The following MFAP2 variants were observed in gnomAD, a reference collection of about 807,000 sequenced individuals.
MFAP2 encodes microfibrillar-associated protein 2.
A neutral mutation model predicts 30.6 loss-of-function variants in MFAP2; 23 were observed. The observed-to-expected ratio is 0.75, with a 90% CI of 0.54 to 1.07. The LOEUF (loss-of-function observed/expected upper bound fraction) is 1.07, where lower values mean the gene tolerates loss of function less well. MFAP2 is among the 50% of genes least tolerant of loss of function. MFAP2 has a pLI of 0.00. For synonymous variants in MFAP2, 73 were observed against 85.7 expected, an observed-to-expected ratio of 0.85 and a Z score of 0.82; for missense variants, 198 against 223.8, an observed-to-expected ratio of 0.88 and a Z score of 0.74.
In MFAP2 at chr1:16,975,173, A is replaced by C. The variant is rs545571278; in HGVS notation, c.448+96T>G. ...TGTCCTGGAAGTGGGCCTGGTGGAT[A>C]ATATGTGTTGAATAAACATCAGGTG... On this transcript the variant is annotated intron_variant, in intron 8 of 8. Transcript: ENST00000375535. This position sits in a 1 kb window ranked among gnomAD's most constrained non-coding sequence, Gnocchi z 5.0. 4 of 1,322,564 alleles carry C rather than the reference A, an allele frequency of 3.0e-6. No individual in the cohort carries two copies. The Admixed American group carries it at 7.6e-5, about 25-fold the overall frequency. 81.9% of individuals were successfully genotyped at this position (1,322,564 alleles called of 1,614,324 possible). A position where few individuals can be genotyped will look rare whatever the true frequency, so the allele number is the denominator to read the frequency against.
chr1:16,978,370 C>T (rs1281492755), intron 1 of MFAP2, 56 bp from the exon 2 acceptor site: 51 of 1,417,594 alleles, frequency 3.6e-5, no homozygotes, highest in Non-Finnish European at 4.9e-5. Context: ...GACAGCAGAG[C>T]TCACCTTTGA....
intron 1 of MFAP2, among the ~76,000 whole-genome samples, chr1:16,979,648 GA>G (rs1452320690): frequency 6.6e-6 from 1 of 152,212 alleles, no homozygotes; most frequent in East Asian, 1.9e-4. Context: ...AAGACCCAGA[GA>G]GCCTTCCTTG....
In MFAP2 at chr1:16,975,643, C is replaced by T. The variant is rs1244520114; in HGVS notation, c.374G>A (p.Ser125Asn). The change falls in exon 7 of 9, where the codon AGC becomes AAC. Residue 125 changes from serine to asparagine, a missense_variant and splice_region_variant. Physicochemically the swap from Ser to Asn is conservative, Grantham distance 46 (BLOSUM62 1). Transcript: ENST00000375535. The surrounding 1 kb of genome is among the most constrained non-coding windows in gnomAD (Gnocchi z 5.0). The part of the protein sequence containing the change: ...KQCLNEVCFY[S>N]LRRVYVINKE... ...CCGACAGCTGCCCATCTGTGCTCAC[C>T]TGTAGAAGCAGACCTCGTTGAGACA... 6.2e-7 allele frequency: 1 copy of T among 1,613,982 alleles called. No homozygotes were observed. The highest frequency in any genetic ancestry group is 2.2e-5 in the East Asian group (1 of 44,880).
At position 16,975,558 on chromosome 1, in the gene MFAP2, C is replaced by A; in HGVS notation, c.374+85G>T. On this transcript the variant is annotated intron_variant, in intron 7 of 8. Coordinates refer to ENST00000375535, the MANE Select transcript of MFAP2 (RefSeq NM_002403.4). This position sits in a 1 kb window ranked among gnomAD's most constrained non-coding sequence, Gnocchi z 5.0. ...GACTCACTATCTTTCCTCCAACTCCCACCTTGGCGGGCCAGAGCTGTCCCC... is the reference window on the plus strand; with the variant it reads ...GACTCACTATCTTTCCTCCAACTCCAACCTTGGCGGGCCAGAGCTGTCCCC... 7.0e-7 allele frequency: 1 copy of A among 1,432,546 alleles called. No homozygotes were observed. The highest frequency in any genetic ancestry group is 2.4e-5 in the East Asian group (1 of 42,492). The allele number at this position is 1,432,546 out of a possible 1,614,324, so 88.7% of individuals were successfully genotyped here. A position where few individuals can be genotyped will look rare whatever the true frequency, so the allele number is the denominator to read the frequency against.
chr1:16,976,261 G>T lies in MFAP2; in HGVS notation c.286+240C>A. The T allele has an allele frequency of 1.7e-6, 1 of 602,402 alleles. No homozygotes were observed. 37.3% of individuals were successfully genotyped at this position (602,402 alleles called of 1,614,324 possible). On this transcript the variant is annotated intron_variant, in intron 6 of 8. Transcript: ENST00000375535. This position sits in a 1 kb window ranked among gnomAD's most constrained non-coding sequence, Gnocchi z 5.5. Reference sequence around the variant, plus strand: ...TCCCTGCCCCTCCCAGTATCTGTGAGGTCAGGGGCCTTCCTAGGCTGCCAA... The same window carrying T: ...TCCCTGCCCCTCCCAGTATCTGTGATGTCAGGGGCCTTCCTAGGCTGCCAA...
Position 16,975,530 on chromosome 1 carries a change from A to C in MFAP2, c.374+113T>G, listed in dbSNP as rs1054313631. On this transcript the variant is annotated intron_variant, in intron 7 of 8. Coordinates refer to ENST00000375535, the MANE Select transcript of MFAP2 (RefSeq NM_002403.4). This position sits in a 1 kb window ranked among gnomAD's most constrained non-coding sequence, Gnocchi z 5.0. ...TCAACCACAGAACTGAGCTCAACTT[A>C]AGGACTCACTATCTTTCCTCCAACT... 7.9e-7 allele frequency: 1 copy of C among 1,267,822 alleles called. No individual in the cohort carries two copies. Among genetic ancestry groups the C allele is most frequent in the South Asian group, 1.3e-5 (1 of 79,586 alleles). 78.5% of individuals were successfully genotyped at this position (1,267,822 alleles called of 1,614,324 possible).
chr1:16,976,727 G>C lies in MFAP2; in HGVS notation c.222C>G (p.Val74=). The part of the protein sequence containing the change: ...FQSQQQVQQE[V]IPAPTPEPGN... ...GCCTACCTGGGGTTGGGGCTGGGATGACTTCCTGTTGGACTTGCTGCTGGG... is the reference window on the plus strand; with the variant it reads ...GCCTACCTGGGGTTGGGGCTGGGATCACTTCCTGTTGGACTTGCTGCTGGG... The change falls in exon 5 of 9, where the codon GTC becomes GTG. Residue 74 remains valine (V), a synonymous_variant. Coordinates refer to ENST00000375535, the MANE Select transcript of MFAP2 (RefSeq NM_002403.4). This position sits in a 1 kb window ranked among gnomAD's most constrained non-coding sequence, Gnocchi z 5.5. The C allele has an allele frequency of 6.2e-7, 1 of 1,613,866 alleles. No homozygotes were observed. Among genetic ancestry groups the C allele is most frequent in the Non-Finnish European group, 8.5e-7 (1 of 1,179,856 alleles).
chr1:16,981,133 G>A (rs2076635709), upstream of MFAP2, among the ~76,000 whole-genome samples: 1 of 152,142 alleles, frequency 6.6e-6, no homozygotes, highest in Non-Finnish European at 1.5e-5. Flanking sequence ...ACAACCAGCG[G>A]TTCTTTCTTT....
At position 16,975,190 on chromosome 1, in the gene MFAP2, C is replaced by T. The variant is rs2076578263; in HGVS notation, c.448+79G>A. The T allele has an allele frequency of 7.1e-7, 1 of 1,408,040 alleles. No individual in the cohort carries two copies. The highest frequency in any genetic ancestry group is 1.0e-6 in the Non-Finnish European group (1 of 1,004,464). 87.2% of individuals were successfully genotyped at this position (1,408,040 alleles called of 1,614,324 possible). ...TGGTGGATAATATGTGTTGAATAAA[C>T]ATCAGGTGGGTGGCTAGGTGGCCAG... On this transcript the variant is annotated intron_variant, in intron 8 of 8. Coordinates refer to ENST00000375535, the MANE Select transcript of MFAP2 (RefSeq NM_002403.4). This position sits in a 1 kb window ranked among gnomAD's most constrained non-coding sequence, Gnocchi z 5.0.
intron 1 of MFAP2, among the ~76,000 whole-genome samples, chr1:16,980,378 C>T (rs964691438): frequency 6.6e-6 from 1 of 151,908 alleles, no homozygotes; most frequent in Non-Finnish European, 1.5e-5. Flanking sequence ...GCTCCCCGCC[C>T]TTCCCAATTC....
At chr1:16,978,096 A>C (rs1386293715) in intron 2 of MFAP2, 141 bp downstream of exon 2, 4 of 916,388 alleles carry the variant, frequency 4.4e-6, no homozygotes, top group Non-Finnish European at 6.5e-6. Context: ...TCTGTGGTCC[A>C]AGCAGGCAGA....
At chr1:16,981,009 A>G (rs1169886829), upstream of MFAP2, among the ~76,000 whole-genome samples, 7 of 152,108 alleles carry the variant, frequency 4.6e-5, no homozygotes, top group Non-Finnish European at 7.4e-5. Context: ...CCCAGCTTCC[A>G]GGACACTCTC....
At chr1:16,980,266 GA>G (rs1234021143) in intron 1 of MFAP2, among the ~76,000 whole-genome samples, 25,739 of 66,364 alleles carry the variant, frequency 0.39, 3,804 homozygotes, top group East Asian at 0.62. Flanking sequence ...ATTCCCACCG[GA>G]CCCCCCCCCC....
In MFAP2 at chr1:16,976,363, A is replaced by C; in HGVS notation, c.286+138T>G. ...CTGGGGGGCCTGGTGATGCCAGCCT[A>C]CGGCAGTCATACTGCCCACACTGCC... On this transcript the variant is annotated intron_variant, in intron 6 of 8. Transcript: ENST00000375535. The surrounding 1 kb of genome is among the most constrained non-coding windows in gnomAD (Gnocchi z 5.5). 9.2e-7 allele frequency: 1 copy of C among 1,087,016 alleles called. No homozygotes were observed. Among genetic ancestry groups the C allele is most frequent in the African/African-American group, 1.6e-5 (1 of 64,516 alleles). 67.3% of individuals were successfully genotyped at this position (1,087,016 alleles called of 1,614,324 possible). A position where few individuals can be genotyped will look rare whatever the true frequency, so the allele number is the denominator to read the frequency against.
upstream of MFAP2, chr1:16,980,694 AG>A (rs1264793400): frequency 6.6e-6 from 1 of 151,268 alleles, no homozygotes; most frequent in Non-Finnish European, 1.5e-5. Context: ...CCCGCCCTCC[AG>A]CCCCGGAGCC....
At position 16,975,724 on chromosome 1, in the gene MFAP2, C is replaced by A; in HGVS notation, c.293G>T (p.Arg98Leu). The change falls in exon 7 of 9, where the codon CGT becomes CTT. Residue 98 changes from arginine (R) to leucine (L), a missense_variant. Transcript: ENST00000375535. The surrounding 1 kb of genome is among the most constrained non-coding windows in gnomAD (Gnocchi z 5.0). The part of the protein sequence containing the change: ...EPTEPGPLDC[R>L]EEQYPCTRLY... The stretch of plus-strand genomic sequence containing the variant: ...GCGGGTGCACGGGTACTGTTCCTCA[C>A]GGCAGTCTGGTGACAGGTGGGGTCA... The A allele has an allele frequency of 4.3e-6, 7 of 1,613,144 alleles. No individual in the cohort carries two copies. Among genetic ancestry groups the A allele is most frequent in the South Asian group, 1.1e-5 (1 of 90,898 alleles).
intron 2 of MFAP2, 147 bp from the exon 3 acceptor site, chr1:16,977,345 T>C (rs1287580874): frequency 2.2e-5 from 16 of 724,988 alleles, no homozygotes; most frequent in Non-Finnish European, 9.0e-6. Flanking sequence ...ATCCAGACTC[T>C]TCTTCGATGG....
Position 16,974,918 on chromosome 1 carries a change from C to T in MFAP2, c.*2G>A, listed in dbSNP as rs1276520058. ...GCCAGGACTCAGGATGCCAGCACCACCCTAGCAGCTCCCACAGCTCCTGGC... is the reference window on the plus strand; with the variant it reads ...GCCAGGACTCAGGATGCCAGCACCATCCTAGCAGCTCCCACAGCTCCTGGC... On this transcript the variant is annotated 3_prime_UTR_variant, in exon 9 of 9. Coordinates refer to ENST00000375535, the MANE Select transcript of MFAP2 (RefSeq NM_002403.4). The T allele has an allele frequency of 3.9e-6, 3 of 768,320 alleles. No individual in the cohort carries two copies. Among genetic ancestry groups the T allele is most frequent in the Admixed American group, 4.4e-5 (2 of 45,626 alleles). The allele number at this position is 768,320 out of a possible 1,614,324, so 47.6% of individuals were successfully genotyped here. A position where few individuals can be genotyped will look rare whatever the true frequency, so the allele number is the denominator to read the frequency against.
intron 2 of MFAP2, 38 bp from the exon 3 acceptor site, chr1:16,977,236 A>AG (rs2076601056): frequency 6.2e-6 from 10 of 1,603,132 alleles, no homozygotes; most frequent in Non-Finnish European, 8.5e-6. Flanking sequence ...CCCCATCGGG[A>AG]GGGGCAACGG....
Sources: gnomAD v4.1 joint callset for allele counts (sites outside exome capture counted in the v4.1 genomes callset) on GRCh38, gnomAD v4.1.1 for gene constraint, Gnocchi (gnomAD v3.1) non-coding constraint, MANE v1.5 for transcripts, NCBI Gene and HGNC (gene_info 2026-07-23, HGNC 2026-07-21) for gene names.